Variants in GLS observed in about 807,000 individuals in gnomAD.
GLS encodes the protein glutaminase kidney isoform, mitochondrial.
In GLS, 36 loss-of-function variants were observed where a neutral mutation model predicts 86.7. The observed-to-expected ratio is 0.42, with a 90% CI of 0.32 to 0.55. GLS has a LOEUF of 0.55. Among genes scored for constraint, GLS ranks in the 20% least tolerant of loss-of-function variants. The pLI, the probability that GLS is intolerant of heterozygous loss-of-function variation, is 0.17. For missense variants in GLS, 528 were observed against 833.4 expected (o/e 0.63, Z 4.51); for synonymous variants, 317 against 305.9 (o/e 1.04, Z -0.38).
intron 7 of GLS, among the ~76,000 whole-genome samples, chr2:190,919,477 T>C (rs945193860): frequency 6.6e-6 from 1 of 152,130 alleles, no homozygotes; most frequent in African/African-American, 2.4e-5. Context: ...CAACATAACT[T>C]GTTTATTTTA....
chr2:190,898,435 T>C (rs375611544), intron 3 of GLS, among the ~76,000 whole-genome samples: 1 of 152,172 alleles, frequency 6.6e-6, no homozygotes, highest in African/African-American at 2.4e-5. Flanking sequence ...ATGGTATCTA[T>C]ATTAAAATAA....
At position 190,901,933 on chromosome 2, in the gene GLS, A is replaced by T. The variant is rs1372101288; in HGVS notation, c.736-14A>T. The T allele has an allele frequency of 1.3e-6, 2 of 1,525,294 alleles. No individual in the cohort carries two copies. The highest frequency in any genetic ancestry group is 4.5e-5 in the East Asian group (2 of 44,370). The allele number at this position is 1,525,294 out of a possible 1,614,324, so 94.5% of individuals were successfully genotyped here. A position where few individuals can be genotyped will look rare whatever the true frequency, so the allele number is the denominator to read the frequency against. ...ATATTATATCTATTCATTTCTTTCC[A>T]ATCTTTTGGATAGGTTGCAGATTAT... On this transcript the variant is annotated splice_polypyrimidine_tract_variant and intron_variant, in intron 4 of 17. Transcript: ENST00000320717.
Position 190,963,815 on chromosome 2 carries a change from C to A in GLS, c.*829C>A, listed in dbSNP as rs574270509. ...AACTTTGCCATTTGTCTACAGAAGACGAACCAGAGACAAAATTACTAAGTA... is the reference window on the plus strand; with the variant it reads ...AACTTTGCCATTTGTCTACAGAAGAAGAACCAGAGACAAAATTACTAAGTA... On this transcript the variant is annotated 3_prime_UTR_variant, in exon 18 of 18. Transcript: ENST00000320717. The A allele has an allele frequency of 6.6e-6, 1 of 152,202 alleles. No individual in the cohort carries two copies. Among genetic ancestry groups the A allele is most frequent in the Admixed American group, 6.6e-5 (1 of 15,264 alleles). 9.4% of individuals were successfully genotyped at this position (152,202 alleles called of 1,614,324 possible).
At chr2:190,928,311 C>T (rs906288460) in intron 12 of GLS, among the ~76,000 whole-genome samples, 17 of 150,722 alleles carry the variant, frequency 1.1e-4, no homozygotes, top group Admixed American at 4.6e-4. Context: ...TTTAGATTTC[C>T]TGGATTATCT....
chr2:190,909,942 G>A (rs1400262088), intron 6 of GLS, among the ~76,000 whole-genome samples: 2 of 152,120 alleles, frequency 1.3e-5, no homozygotes, highest in African/African-American at 4.8e-5. Flanking sequence ...GGAGTCTGAG[G>A]CTGGAGGATC....
chr2:190,935,211 C>T lies in GLS; in HGVS notation c.1650+3574C>T, dbSNP rs1690236298. 1.2e-6 allele frequency: 1 copy of T among 851,602 alleles called. No homozygotes were observed. The highest frequency in any genetic ancestry group is 1.4e-6 in the Non-Finnish European group (1 of 708,464). The allele number at this position is 851,602 out of a possible 1,614,324, so 52.8% of individuals were successfully genotyped here. On this transcript the variant is annotated intron_variant, in intron 14 of 17. Coordinates refer to ENST00000320717, the MANE Select transcript of GLS (RefSeq NM_014905.5). This position sits in a 1 kb window ranked among gnomAD's most constrained non-coding sequence, Gnocchi z 4.2. ...ATTTGTGTTGTTTAGCTTTCATTTG[C>T]TTTGTATATTTAATAATGTACCTTT...
At chr2:190,927,677 G>A in intron 12 of GLS, 195 bp downstream of exon 12, 1 of 475,240 alleles carries the variant, frequency 2.1e-6, no homozygotes, top group Non-Finnish European at 3.7e-6. Context: ...GAACTTGGAA[G>A]TTTGATTTAT....
intron 14 of GLS, chr2:190,932,932 G>A: frequency 7.5e-7 from 1 of 1,341,900 alleles, no homozygotes; most frequent in Non-Finnish European, 9.6e-7. Flanking sequence ...TTTTTTGCAA[G>A]TTATAAATAT....
Position 190,895,828 on chromosome 2 carries a change from ATGG to A in GLS, c.605+104_605+106del. 1.2e-6 allele frequency: 1 copy of A among 802,358 alleles called. No individual in the cohort carries two copies. 49.7% of individuals were successfully genotyped at this position (802,358 alleles called of 1,614,324 possible). Reference sequence around the variant, plus strand: ...TTTGAAGGCCACTGCTTCCTGTGTAATGGAAAAAGGGGATTTATAAACATCATT... The same window carrying A: ...TTTGAAGGCCACTGCTTCCTGTGTAAAAAAAGGGGATTTATAAACATCATT... On this transcript the variant is annotated intron_variant, in intron 3 of 17. Transcript: ENST00000320717. This position sits in a 1 kb window ranked among gnomAD's most constrained non-coding sequence, Gnocchi z 4.2.
chr2:190,935,189 T>G lies in GLS; in HGVS notation c.1650+3552T>G. The G allele has an allele frequency of 7.8e-6, 7 of 896,664 alleles. No individual in the cohort carries two copies. Among genetic ancestry groups the G allele is most frequent in the Non-Finnish European group, 9.3e-6 (7 of 749,256 alleles). 55.5% of individuals were successfully genotyped at this position (896,664 alleles called of 1,614,324 possible). On this transcript the variant is annotated intron_variant, in intron 14 of 17. Coordinates refer to ENST00000320717, the MANE Select transcript of GLS (RefSeq NM_014905.5). The surrounding 1 kb of genome is among the most constrained non-coding windows in gnomAD (Gnocchi z 4.2). ...ATCTTAGTGTTTGGATGAAAACATT[T>G]GTGTTGTTTAGCTTTCATTTGCTTT...
intron 14 of GLS, among the ~76,000 whole-genome samples, chr2:190,936,252 A>T (rs1690265408): frequency 6.6e-6 from 1 of 151,142 alleles, no homozygotes; most frequent in African/African-American, 2.4e-5. Context: ...TAATAGGCAT[A>T]TATTTATGTG....
chr2:190,962,776 A>G lies in GLS; in HGVS notation c.1854-54A>G, dbSNP rs950327751. On this transcript the variant is annotated intron_variant, in intron 17 of 17. Transcript: ENST00000320717. The surrounding 1 kb of genome is among the most constrained non-coding windows in gnomAD (Gnocchi z 4.2). Reference sequence around the variant, plus strand: ...TAAAATCTAGGAATGTGGGGTGATCATCTTTGTACATAAATTACCTAATGA... The same window carrying G: ...TAAAATCTAGGAATGTGGGGTGATCGTCTTTGTACATAAATTACCTAATGA... 15 of 1,176,742 alleles carry G rather than the reference A, an allele frequency of 1.3e-5. No individual in the cohort carries two copies. The Admixed American group carries it at 4.4e-4, about 35-fold the overall frequency. The allele number at this position is 1,176,742 out of a possible 1,614,324, so 72.9% of individuals were successfully genotyped here.
chr2:190,901,855 A>T (rs1384408788), intron 4 of GLS, 92 bp from the exon 5 acceptor site: 1 of 785,282 alleles, frequency 1.3e-6, no homozygotes, highest in African/African-American at 1.7e-5. Context: ...TCATTGGTAG[A>T]AGGTAAAATG....
chr2:190,932,192 C>T (rs1217019744), intron 14 of GLS, among the ~76,000 whole-genome samples: 13 of 151,854 alleles, frequency 8.6e-5, no homozygotes, highest in Non-Finnish European at 1.9e-4. Flanking sequence ...TCCTAATAAT[C>T]TTACGGTCCT....
chr2:190,880,826 G>A lies in GLS; in HGVS notation c.-259G>A, dbSNP rs555442285. ...CTCCCCTGCGCTTTAGCCTCAGTGCGGAGCCTTAGGCGGAGCGAAGAGAAC... is the reference window on the plus strand; with the variant it reads ...CTCCCCTGCGCTTTAGCCTCAGTGCAGAGCCTTAGGCGGAGCGAAGAGAAC... On this transcript the variant is annotated 5_prime_UTR_variant, in exon 1 of 18. Transcript: ENST00000320717. 4 of 734,374 alleles carry A rather than the reference G, an allele frequency of 5.4e-6. No homozygotes were observed. The highest frequency in any genetic ancestry group is 1.8e-5 in the African/African-American group (1 of 56,722). 45.5% of individuals were successfully genotyped at this position (734,374 alleles called of 1,614,324 possible). A position where few individuals can be genotyped will look rare whatever the true frequency, so the allele number is the denominator to read the frequency against.
chr2:190,954,761 T>C lies in GLS; in HGVS notation c.1796T>C (p.Val599Ala), dbSNP rs1209105049. The change falls in exon 17 of 18, where the codon GTT (valine) becomes GCT (alanine). Residue 599 changes from valine to alanine, a missense_variant. Around this residue, in one of 4 missense-constraint regions of GLS, gnomAD observed 163 missense variants for 429.2 expected, o/e 0.38. Coordinates refer to ENST00000320717, the MANE Select transcript of GLS (RefSeq NM_014905.5). The surrounding 1 kb of genome is among the most constrained non-coding windows in gnomAD (Gnocchi z 4.0). ...ALHVAAAEGHVEVVKFLLEAC... is the reference protein window; with the variant it reads ...ALHVAAAEGHAEVVKFLLEAC... ...TGGGGGTGGGACGGTATAGGTCATG[T>C]TGAAGTTGTTAAATTTTTGCTGGAA... 6.2e-7 allele frequency: 1 copy of C among 1,613,726 alleles called. No homozygotes were observed. Among genetic ancestry groups the C allele is most frequent in the African/African-American group, 1.3e-5 (1 of 74,884 alleles).
At chr2:190,958,315 T>G (rs1477568096) in intron 17 of GLS, among the ~76,000 whole-genome samples, 2 of 152,182 alleles carry the variant, frequency 1.3e-5, no homozygotes, top group African/African-American at 2.4e-5. Context: ...ACCTATTTGA[T>G]TCTTCTCTTC....
rs1476122023 is a variant in GLS, at chr2:190,924,573, A to T, written c.1228A>T (p.Ile410Leu). The change falls in exon 11 of 18, where the codon ATA becomes TTA. Residue 410 changes from isoleucine (I) to leucine (L), a missense_variant. Coordinates refer to ENST00000320717, the MANE Select transcript of GLS (RefSeq NM_014905.5). The surrounding 1 kb of genome is among the most constrained non-coding windows in gnomAD (Gnocchi z 5.2). ...CFPEGTDMVG[I>L]LDFYFQLCSI... Reference sequence around the variant, plus strand: ...TCCAGAAGGCACAGACATGGTTGGTATATTAGACTTCTACTTCCAGGTAAT... The same window carrying T: ...TCCAGAAGGCACAGACATGGTTGGTTTATTAGACTTCTACTTCCAGGTAAT... The T allele has an allele frequency of 6.4e-7, 1 of 1,571,206 alleles. No homozygotes were observed. The highest frequency in any genetic ancestry group is 8.8e-7 in the Non-Finnish European group (1 of 1,141,086).
intron 1 of GLS, among the ~76,000 whole-genome samples, chr2:190,891,114 G>T (rs1324363974): frequency 6.6e-6 from 1 of 151,272 alleles, no homozygotes; most frequent in Non-Finnish European, 1.5e-5. Flanking sequence ...TTGCCTTGTT[G>T]CTCCTAATTA....
Sources: allele counts gnomAD v4.1 joint callset (sites outside exome capture counted in the v4.1 genomes callset), GRCh38; gene constraint gnomAD v4.1.1; regional missense constraint gnomAD v4.1.1; non-coding constraint Gnocchi (gnomAD v3.1); transcripts MANE v1.5; gene names NCBI Gene and HGNC (gene_info 2026-07-23, HGNC 2026-07-21).